ME1: variants seen among roughly 807,000 people sequenced by gnomAD.
The protein encoded by ME1 is malic enzyme 1, also known as NADP-dependent malic enzyme.
ME1 carries 74 observed loss-of-function variants against 66.4 expected under a neutral mutation model. That is an observed-to-expected ratio of 1.11 (90% CI 0.92 to 1.35). The LOEUF (loss-of-function observed/expected upper bound fraction) is 1.35. Among genes scored for constraint, ME1 ranks in the 40% most tolerant of loss-of-function variants. ME1 has a pLI of 0.00. For synonymous variants in ME1, 251 were observed against 235.6 expected, an observed-to-expected ratio of 1.07 and a Z score of -0.60; for missense variants, 750 against 694.1, an observed-to-expected ratio of 1.08 and a Z score of -0.90.
chr6:83,256,977 T>C (rs1236945646), intron 6 of ME1, among the ~76,000 whole-genome samples: 1 of 151,166 alleles, frequency 6.6e-6, no homozygotes, highest in Non-Finnish European at 1.5e-5. Context: ...CACTCATAAG[T>C]GGGAGCTGAA....
chr6:83,254,282 G>C (rs1401621052), intron 6 of ME1, among the ~76,000 whole-genome samples: 1 of 152,186 alleles, frequency 6.6e-6, no homozygotes, highest in Non-Finnish European at 1.5e-5. Flanking sequence ...GTAAATGTAA[G>C]GGTGTAGTGA....
intron 6 of ME1, among the ~76,000 whole-genome samples, chr6:83,285,513 A>G (rs1234587920): frequency 6.6e-6 from 1 of 152,206 alleles, no homozygotes; most frequent in African/African-American, 2.4e-5. Context: ...AAGGTGATAC[A>G]TGCTGTAGAG....
chr6:83,311,975 G>C (rs1583373202), intron 6 of ME1, among the ~76,000 whole-genome samples: 1 of 152,122 alleles, frequency 6.6e-6, no homozygotes. Flanking sequence ...GAGTGTAGCT[G>C]CCCCAATGAA....
chr6:83,384,555 T>C (rs879382574), intron 3 of ME1, among the ~76,000 whole-genome samples: 3 of 151,930 alleles, frequency 2.0e-5, no homozygotes, highest in Admixed American at 2.0e-4. Flanking sequence ...TAGAGCTTTG[T>C]CAGATGCATA....
At chr6:83,313,648 C>T (rs1416515104) in intron 6 of ME1, among the ~76,000 whole-genome samples, 1 of 152,116 alleles carries the variant, frequency 6.6e-6, no homozygotes. Flanking sequence ...TATACAATCT[C>T]TTGATTAATG....
intron 6 of ME1, among the ~76,000 whole-genome samples, chr6:83,292,765 T>C (rs576582642): frequency 6.6e-6 from 1 of 152,326 alleles, no homozygotes; most frequent in African/African-American, 2.4e-5. Flanking sequence ...CTTGCTGAGA[T>C]GTGGTGGACT....
chr6:83,389,593 A>C (rs971814505), intron 3 of ME1, among the ~76,000 whole-genome samples: 2 of 152,186 alleles, frequency 1.3e-5, no homozygotes, highest in Admixed American at 6.5e-5. Context: ...AGAGAGGGAG[A>C]TAAATCTTAG....
At chr6:83,254,809 G>A (rs1766729361) in intron 6 of ME1, among the ~76,000 whole-genome samples, 1 of 151,988 alleles carries the variant, frequency 6.6e-6, no homozygotes, top group Admixed American at 6.6e-5. Context: ...AGCATTTTCA[G>A]GACTACCTGA....
chr6:83,349,012 A>C (rs1473764777), intron 4 of ME1, among the ~76,000 whole-genome samples: 5 of 142,216 alleles, frequency 3.5e-5, no homozygotes, highest in African/African-American at 1.4e-4. Flanking sequence ...CAAAAAACAA[A>C]AAACAGTGCA....
At chr6:83,260,607 T>C (rs1015840981) in intron 6 of ME1, among the ~76,000 whole-genome samples, 5 of 152,076 alleles carry the variant, frequency 3.3e-5, no homozygotes, top group African/African-American at 1.2e-4. Flanking sequence ...TGAGAACACA[T>C]GGACACTAGG....
chr6:83,330,906 A>C (rs989356628), intron 5 of ME1, among the ~76,000 whole-genome samples: 2 of 152,056 alleles, frequency 1.3e-5, no homozygotes, highest in Non-Finnish European at 2.9e-5. Context: ...GGAGTTGAGA[A>C]TTTTCTTCTC....
In ME1 at chr6:83,228,904, C is replaced by CT. The variant is rs1272800208; in HGVS notation, c.1053dup (p.Glu352ArgfsTer6). Reference sequence around the variant, plus strand: ...TCTTCATGTTCATGGGCAAACTTCTCTTTCTCTTGTGTTAAGGAAGCACGT... The same window carrying CT: ...TCTTCATGTTCATGGGCAAACTTCTCTTTTCTCTTGTGTTAAGGAAGCACGT... On this transcript the variant is annotated frameshift_variant, in exon 10 of 14. Coordinates refer to ENST00000369705, the MANE Select transcript of ME1 (RefSeq NM_002395.6). LOFTEE classifies it high-confidence loss of function. The CT allele has an allele frequency of 6.2e-7, 1 of 1,612,622 alleles. No individual in the cohort carries two copies. The highest frequency in any genetic ancestry group is 8.5e-7 in the Non-Finnish European group (1 of 1,179,716).
rs563959803 is a variant in ME1 at position 83,258,397 on chromosome 6, C to T, written c.705-4659G>A. ...AAGGGATAATTAGTTCCAATTTGAA[C>T]CCACTTTGTCACTATAAAATTATAA... On this transcript the variant is annotated intron_variant, in intron 6 of 13. Coordinates refer to ENST00000369705, the MANE Select transcript of ME1 (RefSeq NM_002395.6). Among the ~76,000 whole-genome samples, 6 of 152,164 alleles carry T rather than the reference C, an allele frequency of 3.9e-5. No individual in the cohort carries two copies. The South Asian group carries it at 1.2e-3, about 32-fold the overall frequency.
intron 9 of ME1, among the ~76,000 whole-genome samples, chr6:83,237,265 A>AAGAAAGAAAGAAAGAAAGAAAGAAAG (rs1562455211): frequency 9.4e-6 from 1 of 106,334 alleles, no homozygotes. Flanking sequence ...GAAAGAAAGA[A>AAGAAAGAAAGAAAGAAAGAAAGAAAG]AGAAAGAAAG....
intron 6 of ME1, among the ~76,000 whole-genome samples, chr6:83,297,083 TAATAAACTTC>T (rs1415200497): frequency 1.3e-5 from 2 of 152,128 alleles, no homozygotes; most frequent in Non-Finnish European, 2.9e-5. Context: ...AAAATAACAT[TAATAAACTTC>T]AATAAACTTT....
At chr6:83,332,758 G>C (rs1768439729) in intron 5 of ME1, among the ~76,000 whole-genome samples, 1 of 152,156 alleles carries the variant, frequency 6.6e-6, no homozygotes, top group Non-Finnish European at 1.5e-5. Context: ...ACTCAGATGG[G>C]AGGAGGGTAG....
At chr6:83,275,397 T>C (rs1354652137) in intron 6 of ME1, among the ~76,000 whole-genome samples, 3 of 150,660 alleles carry the variant, frequency 2.0e-5, no homozygotes, top group Admixed American at 6.6e-5. Context: ...CATGAGGTTA[T>C]AGTATAAACC....
chr6:83,382,534 TAGTAG>T, intron 3 of ME1, among the ~76,000 whole-genome samples: 1 of 152,176 alleles, frequency 6.6e-6, no homozygotes, highest in Non-Finnish European at 1.5e-5. Flanking sequence ...AGTGAAACCA[TAGTAG>T]AGCAATATTC....
rs61305909 is a variant in ME1 at position 83,329,494 on chromosome 6, T to C, written c.601-14081A>G. Among the ~76,000 whole-genome samples, 870 of 152,312 alleles carry C rather than the reference T, an allele frequency of 5.7e-3. 8 individuals are homozygous for C. Among genetic ancestry groups the C allele is most frequent in the African/African-American group, 0.02 (830 of 41,566 alleles). On this transcript the variant is annotated intron_variant, in intron 5 of 13. Transcript: ENST00000369705. ...CAGTGGTATATAATAAGTATGTCTA[T>C]TTTGTTGCAGTCTCAAATAAGGTAT...
Sources: gnomAD v4.1 joint callset for allele counts (sites outside exome capture counted in the v4.1 genomes callset) on GRCh38, gnomAD v4.1.1 for gene constraint, MANE v1.5 for transcripts, NCBI Gene and HGNC (gene_info 2026-07-23, HGNC 2026-07-21) for gene names.